Variants in OPN3 observed in about 807,000 individuals in gnomAD.
OPN3 encodes the protein opsin-3.
In OPN3, 29 loss-of-function variants were observed where a neutral mutation model predicts 33.8. That is an observed-to-expected ratio of 0.86 (90% confidence interval 0.64 to 1.17). The LOEUF is 1.17. Among genes scored for constraint, OPN3 ranks in the 50% most tolerant of loss-of-function variants. OPN3 has a pLI of 0.00. For missense variants in OPN3, 437 were observed against 514.1 expected, an observed-to-expected ratio of 0.85 and a Z score of 1.45; for synonymous variants, 216 against 216.1, an observed-to-expected ratio of 1.00 and a Z score of 0.00.
chr1:241,613,455 G>A (rs1664047758), intron 1 of OPN3, among the ~76,000 whole-genome samples: 1 of 152,110 alleles, frequency 6.6e-6, no homozygotes, highest in African/African-American at 2.4e-5. Context: ...ATTCTTCTTT[G>A]AGAATTATCA....
At chr1:241,634,705 T>A in intron 1 of OPN3, 1 of 1,614,010 alleles carries the variant, frequency 6.2e-7, no homozygotes, top group Non-Finnish European at 8.5e-7. Context: ...TAAGACCATC[T>A]ATTGTAGTGC....
At chr1:241,625,890 GAAC>G (rs1025527259) in intron 1 of OPN3, among the ~76,000 whole-genome samples, 86 of 152,218 alleles carry the variant, frequency 5.6e-4, no homozygotes, top group South Asian at 1.5e-3. Context: ...GCAGAATGTT[GAAC>G]AACACCCCAG....
rs760764453 is a variant in OPN3, at chr1:241,634,233, A to G, written c.373+5649T>C. 1.6e-5 allele frequency: 26 copies of G among 1,613,894 alleles called. No homozygotes were observed. Among genetic ancestry groups the G allele is most frequent in the Non-Finnish European group, 2.1e-5 (25 of 1,179,930 alleles). On this transcript the variant is annotated intron_variant, in intron 1 of 3. Coordinates refer to ENST00000366554, the MANE Select transcript of OPN3 (RefSeq NM_014322.3). ...TCTCTTGCTGTTTTAGAAGATGAAC[A>G]TGTCAAATGTACCAGATAGGTGTCC...
rs1465662320 is a variant in OPN3 at position 241,634,746 on chromosome 1, G to A, written c.373+5136C>T. The stretch of plus-strand genomic sequence containing the variant: ...GATTCTGATGTCATTGCAATTGAGT[G>A]CAGTACAAAATGTTGAAGGTTGGGA... On this transcript the variant is annotated intron_variant, in intron 1 of 3. Coordinates refer to ENST00000366554, the MANE Select transcript of OPN3 (RefSeq NM_014322.3). The A allele has an allele frequency of 5.6e-6, 9 of 1,613,950 alleles. 1 individual carries two copies. In the South Asian group the frequency reaches 7.7e-5, roughly 14 times the overall value.
At chr1:241,600,529 T>C (rs1663652056) in intron 2 of OPN3, 1 of 152,222 alleles carries the variant, frequency 6.6e-6, no homozygotes, top group Non-Finnish European at 1.5e-5. Flanking sequence ...TCTCTGGCTG[T>C]ATAAATGGCT....
intron 1 of OPN3, among the ~76,000 whole-genome samples, chr1:241,606,812 G>C (rs901672354): frequency 3.3e-5 from 5 of 152,132 alleles, no homozygotes; most frequent in African/African-American, 1.2e-4. Flanking sequence ...GAGAAGTAAG[G>C]GAGAAAAGGG....
chr1:241,636,194 G>A (rs971913880), intron 1 of OPN3: 1 of 398,196 alleles, frequency 2.5e-6, no homozygotes, highest in Non-Finnish European at 4.4e-6. Flanking sequence ...CTCTACTAAA[G>A]CATGTCTTAA....
intron 1 of OPN3, chr1:241,629,378 T>A (rs1573964922): frequency 1.3e-5 from 2 of 152,290 alleles, no homozygotes; most frequent in Middle Eastern, 6.8e-3. Context: ...GTTTTGCTAA[T>A]ACAATAGCAT....
In OPN3 at chr1:241,594,358, A is replaced by C; in HGVS notation, c.*70T>G. On this transcript the variant is annotated 3_prime_UTR_variant, in exon 4 of 4. Coordinates refer to ENST00000366554, the MANE Select transcript of OPN3 (RefSeq NM_014322.3). ...ATTACATAGAACGGGTATTCCAGAC[A>C]CTTCTTATGATGAAAGTCCAAAAGT... is the stretch of plus-strand genomic sequence containing the variant. 1 of 1,513,550 alleles carries C rather than the reference A, an allele frequency of 6.6e-7. No homozygotes were observed. The highest frequency in any genetic ancestry group is 2.3e-5 in the East Asian group (1 of 44,244). The allele number at this position is 1,513,550 out of a possible 1,614,324, so 93.8% of individuals were successfully genotyped here.
Position 241,604,511 on chromosome 1 carries a change from C to T in OPN3, c.442G>A (p.Val148Met). The T allele has an allele frequency of 6.2e-7, 1 of 1,614,168 alleles. No homozygotes were observed. The highest frequency in any genetic ancestry group is 1.1e-5 in the South Asian group (1 of 91,080). Residue 148 changes from valine to methionine, a missense_variant, in exon 2 of 4, where the codon GTG becomes ATG. Transcript: ENST00000366554. ...ERYIRVVHAR[V>M]INFSWAWRAI... The stretch of plus-strand genomic sequence containing the variant: ...CTCCAGGCCCAGGAAAAATTGATCA[C>T]TCTGGCATGGACCACGCGAATGTAA...
At chr1:241,598,789 A>G (rs779756590) in intron 2 of OPN3, among the ~76,000 whole-genome samples, 15 of 152,216 alleles carry the variant, frequency 9.9e-5, no homozygotes, top group Non-Finnish European at 1.6e-4. Context: ...ATTTCTGCAC[A>G]CCAAAAATGT....
At chr1:241,628,584 T>C (rs1225259369) in intron 1 of OPN3, among the ~76,000 whole-genome samples, 1 of 152,214 alleles carries the variant, frequency 6.6e-6, no homozygotes, top group Non-Finnish European at 1.5e-5. Context: ...TTTAGGGGCA[T>C]ACTTTAATTA....
intron 1 of OPN3, among the ~76,000 whole-genome samples, chr1:241,607,147 G>A (rs749474856): frequency 6.6e-5 from 10 of 152,070 alleles, no homozygotes; most frequent in African/African-American, 1.9e-4. Context: ...ATTAATAAGC[G>A]AAATTTACTA....
At chr1:241,596,463 G>A (rs1663514248) in intron 3 of OPN3, among the ~76,000 whole-genome samples, 1 of 152,236 alleles carries the variant, frequency 6.6e-6, no homozygotes, top group South Asian at 2.1e-4. Context: ...AACACTGTCA[G>A]TGAGAGGAGA....
At chr1:241,611,554 C>G (rs763313022) in intron 1 of OPN3, among the ~76,000 whole-genome samples, 5 of 151,138 alleles carry the variant, frequency 3.3e-5, no homozygotes, top group Non-Finnish European at 5.9e-5. Flanking sequence ...TTATCCTATT[C>G]CAGGAAGAGA....
chr1:241,639,639 A>T (rs576758270), intron 1 of OPN3, among the ~76,000 whole-genome samples: 1 of 150,530 alleles, frequency 6.6e-6, no homozygotes, highest in Non-Finnish European at 1.5e-5. Context: ...GAGAGACCAC[A>T]GGAATGGAGT....
intron 1 of OPN3, chr1:241,635,279 G>A: frequency 6.2e-7 from 1 of 1,613,728 alleles, no homozygotes; most frequent in South Asian, 1.1e-5. Flanking sequence ...TGAAATCTCT[G>A]TATCACTTTT....
intron 1 of OPN3, among the ~76,000 whole-genome samples, chr1:241,639,609 G>C (rs1029513760): frequency 6.6e-6 from 1 of 151,840 alleles, no homozygotes; most frequent in African/African-American, 2.4e-5. Flanking sequence ...CGGGGTTTGG[G>C]GTCAACGTGG....
chr1:241,627,244 C>A (rs1279462229), intron 1 of OPN3, among the ~76,000 whole-genome samples: 1 of 152,112 alleles, frequency 6.6e-6, no homozygotes, highest in Non-Finnish European at 1.5e-5. Context: ...ATTATAAAAA[C>A]TGTAATTTAT....
Sources: allele counts gnomAD v4.1 joint callset (sites outside exome capture counted in the v4.1 genomes callset), GRCh38; gene constraint gnomAD v4.1.1; transcripts MANE v1.5; gene names NCBI Gene and HGNC (gene_info 2026-07-23, HGNC 2026-07-21).